The following SLC25A32 variants were observed in gnomAD, a reference collection of about 807,000 sequenced individuals.
SLC25A32 encodes the protein Glycine auxotroph B, complementation of hamster.
A neutral mutation model predicts 39.0 loss-of-function variants in SLC25A32; 32 were observed. The observed-to-expected ratio is 0.82, with a 90% CI of 0.62 to 1.10. The LOEUF is 1.10. SLC25A32 is among the 50% of genes least tolerant of loss of function. The probability of loss-of-function intolerance (pLI) is 0.00; values close to 1 mark genes in which losing one functional copy is unlikely to be tolerated. For synonymous variants in SLC25A32, 166 were observed against 152.4 expected (o/e 1.09, Z -0.66); for missense variants, 367 against 395.3 (o/e 0.93, Z 0.61).
intron 1 of SLC25A32, among the ~76,000 whole-genome samples, chr8:103,409,219 C>T (rs1398348222): frequency 2.0e-5 from 3 of 152,052 alleles, no homozygotes; most frequent in African/African-American, 7.2e-5. Flanking sequence ...CTACATTATG[C>T]ATACCATTCT....
At chr8:103,410,662 A>G (rs1275260892) in intron 1 of SLC25A32, among the ~76,000 whole-genome samples, 2 of 152,198 alleles carry the variant, frequency 1.3e-5, no homozygotes, top group Non-Finnish European at 2.9e-5. Context: ...TGATCATTTT[A>G]AAAACATTTG....
rs1816359542 is a variant in SLC25A32, at chr8:103,407,618, T to C, written c.305+16A>G. On this transcript the variant is annotated intron_variant, in intron 2 of 6. Coordinates refer to ENST00000297578, the MANE Select transcript of SLC25A32 (RefSeq NM_030780.5). The stretch of plus-strand genomic sequence containing the variant: ...CTTTTTAATTTAATACTGTAAAATC[T>C]CCCAAATCTACTCACAAGAAAAAGT... The C allele has an allele frequency of 1.1e-5, 16 of 1,506,318 alleles. No individual in the cohort carries two copies. The highest frequency in any genetic ancestry group is 1.4e-5 in the Non-Finnish European group (16 of 1,120,160). 93.3% of individuals were successfully genotyped at this position (1,506,318 alleles called of 1,614,324 possible). A position where few individuals can be genotyped will look rare whatever the true frequency, so the allele number is the denominator to read the frequency against.
At chr8:103,406,052 T>C (rs566626980) in intron 2 of SLC25A32, among the ~76,000 whole-genome samples, 1 of 134,172 alleles carries the variant, frequency 7.5e-6, no homozygotes, top group Admixed American at 7.4e-5. Flanking sequence ...ATTCATGATG[T>C]GTGTGTGTGT....
In SLC25A32 at chr8:103,410,498, C is replaced by T. The variant is rs1816442540; in HGVS notation, c.155-2714G>A. On this transcript the variant is annotated intron_variant, in intron 1 of 6. Transcript: ENST00000297578. The stretch of plus-strand genomic sequence containing the variant: ...TGCAAGGGATCTAGGCTGCACACTC[C>T]TTATGAGAATTTATTGCCTGATGAT... Among the ~76,000 whole-genome samples, 3 of 152,162 alleles carry T rather than the reference C, an allele frequency of 2.0e-5. No individual in the cohort carries two copies. In the South Asian group the frequency reaches 6.2e-4, roughly 32 times the overall value.
intron 4 of SLC25A32, chr8:103,402,258 T>C: frequency 2.3e-6 from 1 of 433,846 alleles, no homozygotes; most frequent in Non-Finnish European, 4.1e-6. Flanking sequence ...TTTTTAAAGG[T>C]TTGGATGTTC....
chr8:103,406,492 A>G (rs1281083974), intron 2 of SLC25A32, among the ~76,000 whole-genome samples: 1 of 152,258 alleles, frequency 6.6e-6, no homozygotes, highest in African/African-American at 2.4e-5. Flanking sequence ...GTTTGTGTCC[A>G]TGTTCTTGTT....
rs193210327 is a variant in SLC25A32 at position 103,401,850 on chromosome 8, A to G, written c.666+91T>C. The G allele has an allele frequency of 9.9e-5, 106 of 1,067,846 alleles. 2 individuals carry two copies. In the Admixed American group the frequency reaches 2.4e-3, roughly 24 times the overall value. 66.1% of individuals were successfully genotyped at this position (1,067,846 alleles called of 1,614,324 possible). On this transcript the variant is annotated intron_variant, in intron 5 of 6. Transcript: ENST00000297578. ...TGGCAGAGCCAGTACTCATCATCAT[A>G]GCACTACCACCAAAGTAAGCATGAC...
chr8:103,400,671 T>G, intron 6 of SLC25A32, 125 bp from the exon 7 acceptor site: 1 of 952,660 alleles, frequency 1.0e-6, no homozygotes, highest in Non-Finnish European at 1.6e-6. Flanking sequence ...AAGTTCATGT[T>G]TTCAATGTCC....
intron 2 of SLC25A32, among the ~76,000 whole-genome samples, chr8:103,406,717 A>C (rs1317722544): frequency 3.3e-5 from 5 of 152,238 alleles, no homozygotes; most frequent in Non-Finnish European, 7.3e-5. Flanking sequence ...TGTTCCCAAC[A>C]GCGATTTCCT....
Position 103,401,550 on chromosome 8 carries a change from T to C in SLC25A32, c.778A>G (p.Ser260Gly). ...ARLQDQHMFY[S>G]GVIDVITKTW... is the part of the protein sequence containing the mutation. ...TTTGTGATTACATCTATTACACCACTGTAAAACATGTGTTGATCCTGAAGA... is the reference window on the plus strand; with the variant it reads ...TTTGTGATTACATCTATTACACCACCGTAAAACATGTGTTGATCCTGAAGA... The change falls in exon 6 of 7, where the codon AGT (serine) becomes GGT (glycine). Residue 260 changes from serine to glycine, a missense_variant. Physicochemically the swap from Ser to Gly is moderately conservative, Grantham distance 56. Transcript: ENST00000297578. 4 of 1,613,770 alleles carry C rather than the reference T, an allele frequency of 2.5e-6. No individual in the cohort carries two copies. Among genetic ancestry groups the C allele is most frequent in the Non-Finnish European group, 3.4e-6 (4 of 1,179,830 alleles).
Position 103,404,767 on chromosome 8 carries a change from T to A in SLC25A32, c.391+9A>T, listed in dbSNP as rs755527820. The A allele has an allele frequency of 2.3e-5, 37 of 1,599,404 alleles. No homozygotes were observed. On this transcript the variant is annotated intron_variant, in intron 3 of 6. Coordinates refer to ENST00000297578, the MANE Select transcript of SLC25A32 (RefSeq NM_030780.5). Reference sequence around the variant, plus strand: ...AGGTGACATTTTTATATTTCACACATTGCCTTACCAGCTTCAGCAGCTGAG... The same window carrying A: ...AGGTGACATTTTTATATTTCACACAATGCCTTACCAGCTTCAGCAGCTGAG...
intron 2 of SLC25A32, among the ~76,000 whole-genome samples, chr8:103,406,432 C>G (rs1295976453): frequency 6.6e-6 from 1 of 152,212 alleles, no homozygotes; most frequent in African/African-American, 2.4e-5. Context: ...TTTCACAGAT[C>G]AGAGGCGTGC....
Position 103,401,506 on chromosome 8 carries a change from G to T in SLC25A32, c.812+10C>A, listed in dbSNP as rs115968673. On this transcript the variant is annotated intron_variant, in intron 6 of 6. Coordinates refer to ENST00000297578, the MANE Select transcript of SLC25A32 (RefSeq NM_030780.5). ...GTCAAAGCAATTTTTGATATAGCAC[G>T]TGCTCTCACCTCCATGTCTTTGTGA... 7.4e-3 allele frequency: 11,908 copies of T among 1,609,634 alleles called. 410 individuals are homozygous for T. In the African/African-American group the frequency reaches 0.095, roughly 13 times the overall value.
intron 1 of SLC25A32, among the ~76,000 whole-genome samples, chr8:103,412,679 T>G (rs1816491126): frequency 6.6e-6 from 1 of 152,172 alleles, no homozygotes; most frequent in Non-Finnish European, 1.5e-5. Context: ...ATCTTGAGGT[T>G]TTTTTCTCTC....
At position 103,400,602 on chromosome 8, in the gene SLC25A32, C is replaced by T. The variant is rs10103739; in HGVS notation, c.813-56G>A. 0.094 allele frequency: 148,588 copies of T among 1,581,770 alleles called. 7,731 individuals carry two copies. Among genetic ancestry groups the T allele is most frequent in the Non-Finnish European group, 0.1 (120,800 of 1,159,074 alleles). Reference sequence around the variant, plus strand: ...TTTGTATAGAGCTAGCTTGAAAACACGGAAGTTCTAACTGACACAAGGCAT... The same window carrying T: ...TTTGTATAGAGCTAGCTTGAAAACATGGAAGTTCTAACTGACACAAGGCAT... On this transcript the variant is annotated intron_variant, in intron 6 of 6. Coordinates refer to ENST00000297578, the MANE Select transcript of SLC25A32 (RefSeq NM_030780.5).
chr8:103,405,515 C>T (rs1358730030), intron 2 of SLC25A32, among the ~76,000 whole-genome samples: 3 of 152,152 alleles, frequency 2.0e-5, no homozygotes, highest in Admixed American at 6.5e-5. Context: ...ATTGGCCACA[C>T]TTGAGTGGTA....
At position 103,400,198 on chromosome 8, in the gene SLC25A32, T is replaced by G; in HGVS notation, c.*213A>C. ...TTTAACATTGTGTTGATGGCAGCCA[T>G]TTCAGGCAGAGGTAGCCAAGTTCCA... On this transcript the variant is annotated 3_prime_UTR_variant, in exon 7 of 7. Coordinates refer to ENST00000297578, the MANE Select transcript of SLC25A32 (RefSeq NM_030780.5). 1 of 554,012 alleles carries G rather than the reference T, an allele frequency of 1.8e-6. No individual in the cohort carries two copies. The highest frequency in any genetic ancestry group is 3.2e-6 in the Non-Finnish European group (1 of 317,328). The allele number at this position is 554,012 out of a possible 1,614,324, so 34.3% of individuals were successfully genotyped here.
At chr8:103,407,547 T>C in intron 2 of SLC25A32, 87 bp downstream of exon 2, 1 of 1,110,374 alleles carries the variant, frequency 9.0e-7, no homozygotes, top group Non-Finnish European at 1.3e-6. Context: ...ATGACTCAAC[T>C]TATCATTTTA....
chr8:103,407,706 A>G lies in SLC25A32; in HGVS notation c.233T>C (p.Leu78Pro), dbSNP rs1816361401. 6.2e-7 allele frequency: 1 copy of G among 1,613,194 alleles called. No homozygotes were observed. The highest frequency in any genetic ancestry group is 8.5e-7 in the Non-Finnish European group (1 of 1,179,440). The change falls in exon 2 of 7, where the codon CTA becomes CCA. Residue 78 changes from leucine (L) to proline (P), a missense_variant. Leu to Pro is a moderately conservative substitution (Grantham distance 98, BLOSUM62 -3). Transcript: ENST00000297578. ...GGTTACTCCTTGATAAAGTCCCCGT[A>G]GTCCATCAAGTTTCCAAATGGTAGT... Reference protein sequence around the residue: ...CLTTIWKLDGLRGLYQGVTPN... With the variant: ...CLTTIWKLDGPRGLYQGVTPN...
Sources: allele counts gnomAD v4.1 joint callset (sites outside exome capture counted in the v4.1 genomes callset), GRCh38; gene constraint gnomAD v4.1.1; transcripts MANE v1.5; gene names NCBI Gene and HGNC (gene_info 2026-07-23, HGNC 2026-07-21).